Variants in SULF1 observed in about 807,000 individuals in gnomAD.
SULF1 encodes extracellular sulfatase Sulf-1.
Under a neutral mutation model 110.5 loss-of-function variants are expected in SULF1, and 46 were observed. The ratio of observed to expected loss-of-function variants is 0.42; its 90% CI spans 0.33 to 0.53. The LOEUF (loss-of-function observed/expected upper bound fraction) is 0.53, where lower values mean the gene tolerates loss of function less well. Ranked by LOEUF, SULF1 falls within the 20% of genes least tolerant of loss-of-function variation. The probability of loss-of-function intolerance (pLI) is 0.12; values close to 1 mark genes in which losing one functional copy is unlikely to be tolerated. For missense variants in SULF1, 941 were observed against 1,094.2 expected, an observed-to-expected ratio of 0.86 and a Z score of 1.98; for synonymous variants, 371 against 387.1, an observed-to-expected ratio of 0.96 and a Z score of 0.49.
chr8:69,641,409 C>T (rs1023906938), intron 22 of SULF1, among the ~76,000 whole-genome samples: 149 of 152,026 alleles, frequency 9.8e-4, no homozygotes, highest in African/African-American at 3.1e-3. Context: ...TGGTGAATAA[C>T]GAGAAGGTGC....
At chr8:69,516,500 G>T (rs1353494974) in intron 3 of SULF1, among the ~76,000 whole-genome samples, 1 of 152,138 alleles carries the variant, frequency 6.6e-6, no homozygotes, top group East Asian at 1.9e-4. Context: ...TAACATTCAG[G>T]ATCACAATTC....
chr8:69,612,939 T>C (rs1808777455), intron 13 of SULF1, among the ~76,000 whole-genome samples: 1 of 152,180 alleles, frequency 6.6e-6, no homozygotes, highest in Non-Finnish European at 1.5e-5. Flanking sequence ...TAAGCCAATG[T>C]CTAGAAGAGT....
intron 5 of SULF1, among the ~76,000 whole-genome samples, chr8:69,568,795 A>G (rs899708492): frequency 6.6e-6 from 1 of 152,232 alleles, no homozygotes; most frequent in South Asian, 2.1e-4. Context: ...CATAAAGTTC[A>G]GGATAATGGC....
chr8:69,485,651 A>C (rs1809674884), intron 1 of SULF1, among the ~76,000 whole-genome samples: 1 of 152,182 alleles, frequency 6.6e-6, no homozygotes, highest in Admixed American at 6.5e-5. Context: ...CAACCTCTGC[A>C]GTCGGCTTGT....
chr8:69,539,442 C>T (rs900033184), intron 3 of SULF1, among the ~76,000 whole-genome samples: 1 of 152,158 alleles, frequency 6.6e-6, no homozygotes, highest in Non-Finnish European at 1.5e-5. Flanking sequence ...AGATCTTGCG[C>T]TTGGCAATTG....
chr8:69,524,839 A>C (rs1186598011), intron 3 of SULF1, among the ~76,000 whole-genome samples: 1 of 152,154 alleles, frequency 6.6e-6, no homozygotes, highest in Non-Finnish European at 1.5e-5. Flanking sequence ...AAATCCTTAG[A>C]AAGGTGCCAA....
chr8:69,481,384 A>C (rs1203517626), intron 1 of SULF1, among the ~76,000 whole-genome samples: 1 of 152,180 alleles, frequency 6.6e-6, no homozygotes, highest in African/African-American at 2.4e-5. Context: ...CTGTTGAAAA[A>C]GGGATTCTAT....
chr8:69,520,096 T>C (rs982453091), intron 3 of SULF1, among the ~76,000 whole-genome samples: 5 of 143,550 alleles, frequency 3.5e-5, no homozygotes, highest in African/African-American at 1.3e-4. Context: ...GTTTAAAGAG[T>C]CCCTAAAATT....
chr8:69,552,177 C>A (rs1237849603), intron 3 of SULF1, among the ~76,000 whole-genome samples: 4 of 151,820 alleles, frequency 2.6e-5, no homozygotes, highest in African/African-American at 4.8e-5. Flanking sequence ...TTCTGATGAA[C>A]CCCTACTCCA....
At chr8:69,570,927 C>T (rs552710479) in intron 5 of SULF1, among the ~76,000 whole-genome samples, 2 of 152,154 alleles carry the variant, frequency 1.3e-5, no homozygotes, top group Non-Finnish European at 2.9e-5. Flanking sequence ...TCAAGCCAGC[C>T]CAGTCAGCAG....
intron 3 of SULF1, among the ~76,000 whole-genome samples, chr8:69,511,094 A>G (rs1027465857): frequency 6.6e-6 from 1 of 152,202 alleles, no homozygotes; most frequent in Non-Finnish European, 1.5e-5. Flanking sequence ...TGCCTCACAC[A>G]TAATAGTAAT....
intron 1 of SULF1, among the ~76,000 whole-genome samples, chr8:69,476,866 A>G (rs1172067204): frequency 6.6e-6 from 1 of 152,222 alleles, no homozygotes; most frequent in Non-Finnish European, 1.5e-5. Context: ...ATAACACACA[A>G]GTGCCATAGT....
At chr8:69,483,906 C>T (rs901653981) in intron 1 of SULF1, among the ~76,000 whole-genome samples, 9 of 152,218 alleles carry the variant, frequency 5.9e-5, no homozygotes, top group African/African-American at 2.2e-4. Context: ...TTATTAAATA[C>T]ATGCTTACCA....
At chr8:69,536,066 T>C (rs1813412715) in intron 3 of SULF1, among the ~76,000 whole-genome samples, 1 of 151,958 alleles carries the variant, frequency 6.6e-6, no homozygotes, top group Admixed American at 6.6e-5. Context: ...AGCACCTCAC[T>C]CTTTTTCATG....
In SULF1 at chr8:69,564,125, C is replaced by G; in HGVS notation, c.150C>G (p.Thr50=). 2 of 1,614,104 alleles carry G rather than the reference C, an allele frequency of 1.2e-6. No individual in the cohort carries two copies. Among genetic ancestry groups the G allele is most frequent in the Non-Finnish European group, 1.7e-6 (2 of 1,180,006 alleles). The part of the protein sequence containing the change: ...NIRPNIILVL[T]DDQDVELGSL... ...GACCCAACATTATTCTTGTGCTTAC[C>G]GATGATCAAGATGTGGAGCTGGGTG... is the stretch of plus-strand genomic sequence containing the variant. The change falls in exon 5 of 23, where the codon ACC becomes ACG. Residue 50 remains threonine, a synonymous_variant. Transcript: ENST00000402687.
intron 6 of SULF1, among the ~76,000 whole-genome samples, chr8:69,577,576 G>T (rs1805711555): frequency 6.6e-6 from 1 of 152,180 alleles, no homozygotes; most frequent in South Asian, 2.1e-4. Flanking sequence ...GAGTGAAATG[G>T]ATGACATTTG....
intron 3 of SULF1, among the ~76,000 whole-genome samples, chr8:69,508,082 TG>T (rs1811314527): frequency 6.6e-6 from 1 of 151,504 alleles, no homozygotes; most frequent in Admixed American, 6.6e-5. Flanking sequence ...AATTCAGCTG[TG>T]GGGTTTTTGA....
intron 3 of SULF1, among the ~76,000 whole-genome samples, chr8:69,548,255 G>A (rs773387453): frequency 6.6e-6 from 1 of 152,164 alleles, no homozygotes; most frequent in Non-Finnish European, 1.5e-5. Flanking sequence ...GAAGACAAGT[G>A]TAAACATGCC....
chr8:69,492,280 G>C (rs553807017), upstream of SULF1, among the ~76,000 whole-genome samples: 1 of 151,894 alleles, frequency 6.6e-6, no homozygotes, highest in African/African-American at 2.4e-5. Context: ...TGGAAAGAGC[G>C]CTCTGGTTCC....
Sources: gnomAD v4.1 joint callset for allele counts (sites outside exome capture counted in the v4.1 genomes callset) on GRCh38, gnomAD v4.1.1 for gene constraint, MANE v1.5 for transcripts, NCBI Gene and HGNC (gene_info 2026-07-23, HGNC 2026-07-21) for gene names.